The following ZNF112 variants were observed in gnomAD, a reference collection of about 807,000 sequenced individuals.
ZNF112 encodes the protein zinc finger protein 112 (Y14).
Under a neutral mutation model 77.7 loss-of-function variants are expected in ZNF112, and 37 were observed. The observed-to-expected ratio is 0.48, with a 90% confidence interval of 0.37 to 0.63. The LOEUF is 0.63. ZNF112 is among the 20% of genes least tolerant of loss of function. The probability of loss-of-function intolerance (pLI) is 0.00; values close to 1 mark genes in which losing one functional copy is unlikely to be tolerated. For synonymous variants in ZNF112, 333 were observed against 363.6 expected (o/e 0.92, Z 0.96); for missense variants, 950 against 1,077.4 (o/e 0.88, Z 1.66).
chr19:44,349,793 T>C (rs1427788983), intron 1 of ZNF112, among the ~76,000 whole-genome samples: 1 of 152,084 alleles, frequency 6.6e-6, no homozygotes, highest in Non-Finnish European at 1.5e-5. Context: ...AATAAATTTG[T>C]TTATGATTAG....
In ZNF112 at chr19:44,329,393, G is replaced by A. The variant is rs926126145; in HGVS notation, c.764C>T (p.Thr255Ile). The A allele has an allele frequency of 9.3e-6, 15 of 1,613,898 alleles. No individual in the cohort carries two copies. Among genetic ancestry groups the A allele is most frequent in the Non-Finnish European group, 1.2e-5 (14 of 1,179,972 alleles). The stretch of plus-strand genomic sequence containing the variant: ...ATTACTGAAGGCTTTTCTATACCCA[G>A]TACATGGATAGGGCTTCTCCTCTGT... The part of the protein sequence containing the change: ...IQTEEKPYPC[T>I]GYRKAFSNDS... Residue 255 changes from threonine to isoleucine, a missense_variant, in exon 4 of 4, where the codon ACT becomes ATT. Thr to Ile is a moderately conservative substitution (Grantham distance 89, BLOSUM62 -1). Transcript: ENST00000354340.
intron 1 of ZNF112, among the ~76,000 whole-genome samples, chr19:44,341,925 C>T (rs553184025): frequency 5.9e-5 from 9 of 152,280 alleles, no homozygotes; most frequent in East Asian, 5.8e-4. Flanking sequence ...AGTCTTTCCA[C>T]GCAAGTGATA....
rs747740096 is a variant in ZNF112 at position 44,329,067 on chromosome 19, G to A, written c.1090C>T (p.His364Tyr). The A allele has an allele frequency of 3.1e-6, 5 of 1,613,734 alleles. No individual in the cohort carries two copies. Among genetic ancestry groups the A allele is most frequent in the African/African-American group, 2.7e-5 (2 of 74,902 alleles). The change falls in exon 4 of 4, where the codon CAT becomes TAT. Residue 364 changes from histidine to tyrosine, a missense_variant. This residue lies in a region of ZNF112 where 560 missense variants were observed against 557.3 expected (regional missense o/e 1.00). Coordinates refer to ENST00000354340, the MANE Select transcript of ZNF112 (RefSeq NM_013380.4). ...AAAATACTATTAAGGTCTAAGCTAT[G>A]ACTGAAGGCTTTCTCATAAATGTTG... ...RHNIYEKAFS[H>Y]SLDLNSIFRV...
Position 44,353,480 on chromosome 19 carries a change from G to T in ZNF112, c.-4+3146C>A, listed in dbSNP as rs183640248. Among the ~76,000 whole-genome samples, 21 of 152,090 alleles carry T rather than the reference G, an allele frequency of 1.4e-4. No individual in the cohort carries two copies. The East Asian group carries it at 3.9e-3, about 28-fold the overall frequency. On this transcript the variant is annotated intron_variant, in intron 1 of 3. Transcript: ENST00000354340. ...AGCTACAGGCTGAGAAGGAATATTT[G>T]CAAATCACACATCCAACAAAGGACT...
chr19:44,350,037 C>T (rs1009973451), intron 1 of ZNF112, among the ~76,000 whole-genome samples: 6 of 151,946 alleles, frequency 3.9e-5, no homozygotes, highest in Non-Finnish European at 7.4e-5. Context: ...GAAAATATTA[C>T]CAAAGAAGGT....
chr19:44,367,213 C>T (rs929110477), exon 1 of ZNF112: 1 of 450,508 alleles, frequency 2.2e-6, no homozygotes, highest in Admixed American at 2.4e-5. Context: ...GATGACCTCA[C>T]TTTCATGGAG....
chr19:44,361,479 G>T (rs915436007), upstream of ZNF112, among the ~76,000 whole-genome samples: 1 of 152,070 alleles, frequency 6.6e-6, no homozygotes, highest in African/African-American at 2.4e-5. Context: ...AAAGAAATGA[G>T]ATATGAAGTT....
At chr19:44,352,699 C>T (rs1286710558) in intron 1 of ZNF112, among the ~76,000 whole-genome samples, 1 of 151,836 alleles carries the variant, frequency 6.6e-6, no homozygotes, top group Non-Finnish European at 1.5e-5. Context: ...TATACACTAA[C>T]AATGTACAAC....
At position 44,329,669 on chromosome 19, in the gene ZNF112, A is replaced by T; in HGVS notation, c.488T>A (p.Ile163Lys). The T allele has an allele frequency of 6.2e-7, 1 of 1,614,132 alleles. No homozygotes were observed. Among genetic ancestry groups the T allele is most frequent in the Non-Finnish European group, 8.5e-7 (1 of 1,179,996 alleles). ...FTHIGNGSNY[I>K]KSQGYPSWRA... ...CCAAGATGGATACCCTTGACTTTTTATATAATTGGAGCCATTCCCTATATG... is the reference window on the plus strand; with the variant it reads ...CCAAGATGGATACCCTTGACTTTTTTTATAATTGGAGCCATTCCCTATATG... The change falls in exon 4 of 4, where the codon ATA becomes AAA. Residue 163 changes from isoleucine (I) to lysine (K), a missense_variant. Ile to Lys is a moderately radical substitution (Grantham distance 102). Transcript: ENST00000354340.
intron 3 of ZNF112, among the ~76,000 whole-genome samples, chr19:44,332,912 C>A (rs8110918): frequency 0.018 from 2,749 of 152,168 alleles, 98 homozygotes; most frequent in African/African-American, 0.062. Context: ...TGGTATAGAC[C>A]GAAACACCTT....
upstream of ZNF112, among the ~76,000 whole-genome samples, chr19:44,357,062 C>T (rs1450942994): frequency 6.6e-6 from 1 of 152,194 alleles, no homozygotes; most frequent in African/African-American, 2.4e-5. Context: ...CCCGGAATTT[C>T]TTGCAGGGTA....
intron 1 of ZNF112, chr19:44,343,150 C>G (rs771073552): frequency 3.8e-5 from 48 of 1,260,480 alleles, no homozygotes; most frequent in Middle Eastern, 1.9e-4. Context: ...ATACTAAATG[C>G]CTGTTGTCAT....
upstream of ZNF112, among the ~76,000 whole-genome samples, chr19:44,357,455 A>G (rs766313001): frequency 2.0e-5 from 3 of 152,108 alleles, no homozygotes; most frequent in Non-Finnish European, 4.4e-5. Context: ...CCTTTCTTTG[A>G]CTCGATTACC....
chr19:44,366,626 G>C (rs1287349450), intron 1 of ZNF112, among the ~76,000 whole-genome samples: 2 of 151,854 alleles, frequency 1.3e-5, no homozygotes, highest in African/African-American at 4.8e-5. Flanking sequence ...CAATAGCCTG[G>C]AGTGATTCCC....
chr19:44,335,936 G>T (rs1010200448), intron 3 of ZNF112, among the ~76,000 whole-genome samples: 4 of 152,202 alleles, frequency 2.6e-5, no homozygotes, highest in Non-Finnish European at 5.9e-5. Context: ...CCAACTTGAA[G>T]ATTCTACTTT....
intron 3 of ZNF112, among the ~76,000 whole-genome samples, chr19:44,333,952 G>C (rs1970317746): frequency 6.6e-6 from 1 of 152,170 alleles, no homozygotes; most frequent in South Asian, 2.1e-4. Context: ...TTCAGAAGAA[G>C]ACAGGAAGAT....
chr19:44,327,251 G>C lies in ZNF112; in HGVS notation c.*182C>G, dbSNP rs1476113718. On this transcript the variant is annotated 3_prime_UTR_variant, in exon 4 of 4. Transcript: ENST00000354340. ...AAGCCTTAGCTCCTGTGCAATGACT[G>C]ATGTTAAAGTTCTAACAAAATCCCT... The C allele has an allele frequency of 3.5e-6, 2 of 564,656 alleles. No homozygotes were observed. The highest frequency in any genetic ancestry group is 3.7e-5 in the African/African-American group (2 of 53,366). The allele number at this position is 564,656 out of a possible 1,614,324, so 35.0% of individuals were successfully genotyped here. A position where few individuals can be genotyped will look rare whatever the true frequency, so the allele number is the denominator to read the frequency against.
intron 1 of ZNF112, among the ~76,000 whole-genome samples, chr19:44,366,728 CT>C (rs1338082617): frequency 6.7e-6 from 1 of 150,326 alleles, no homozygotes; most frequent in Non-Finnish European, 1.5e-5. Context: ...CAAAATAGCA[CT>C]GCAGGTGGAA....
In ZNF112 at chr19:44,347,307, G is replaced by T. The variant is rs1050699776; in HGVS notation, c.-3-6765C>A. On this transcript the variant is annotated intron_variant, in intron 1 of 3. Coordinates refer to ENST00000354340, the MANE Select transcript of ZNF112 (RefSeq NM_013380.4). ...GAGTTATTTTAGACCACATATACTT[G>T]GTTCTTGCTTTTTATCCAATCTTAC... is the stretch of plus-strand genomic sequence containing the variant. 4.6e-5 allele frequency among the ~76,000 whole-genome samples: 7 copies of T among 151,974 alleles called. No individual in the cohort carries two copies. The South Asian group carries it at 1.5e-3, about 32-fold the overall frequency.
Sources: gnomAD v4.1 joint callset for allele counts (sites outside exome capture counted in the v4.1 genomes callset) on GRCh38, gnomAD v4.1.1 for gene constraint, gnomAD v4.1.1 regional missense constraint, MANE v1.5 for transcripts, NCBI Gene and HGNC (gene_info 2026-07-23, HGNC 2026-07-21) for gene names.